Variants in RALYL observed in about 807,000 individuals in gnomAD.
RALYL encodes RNA-binding Raly-like protein.
A neutral mutation model predicts 35.1 loss-of-function variants in RALYL; 29 were observed. That is an observed-to-expected ratio of 0.83 (90% CI 0.61 to 1.13). The LOEUF is 1.13. RALYL is among the 50% of genes most tolerant of loss of function. RALYL has a pLI of 0.00. For missense variants in RALYL, 359 were observed against 360.4 expected, an observed-to-expected ratio of 1.00 and a Z score of 0.03; for synonymous variants, 120 against 127.6, an observed-to-expected ratio of 0.94 and a Z score of 0.40.
chr8:84,497,642 G>GTTTTTTTTTTTTTTTTTTTTTTTT (rs71271999), intron 1 of RALYL, among the ~76,000 whole-genome samples: 9 of 117,224 alleles, frequency 7.7e-5, no homozygotes, highest in Non-Finnish European at 1.0e-4. Flanking sequence ...TTTTGTTTTT[G>GTTTTTTTTTTTTTTTTTTTTTTTT]TTTTTTTTTT....
At chr8:84,316,920 T>C (rs1843865850) in intron 1 of RALYL, among the ~76,000 whole-genome samples, 1 of 152,190 alleles carries the variant, frequency 6.6e-6, no homozygotes, top group Non-Finnish European at 1.5e-5. Flanking sequence ...GTTTTAGTTA[T>C]GTATCTGATT....
intron 2 of RALYL, among the ~76,000 whole-genome samples, chr8:84,673,213 G>T (rs972852967): frequency 6.6e-6 from 1 of 151,978 alleles, no homozygotes; most frequent in Non-Finnish European, 1.5e-5. Flanking sequence ...ACTTTTTAAT[G>T]GGGTTGTTTG....
intron 1 of RALYL, among the ~76,000 whole-genome samples, chr8:84,459,533 G>A (rs1037735889): frequency 6.6e-6 from 1 of 151,760 alleles, no homozygotes; most frequent in Admixed American, 6.6e-5. Context: ...GGGAGTCATT[G>A]AAAGAGGTTA....
At chr8:84,291,024 T>C (rs968751560) in intron 1 of RALYL, among the ~76,000 whole-genome samples, 3 of 152,216 alleles carry the variant, frequency 2.0e-5, no homozygotes, top group African/African-American at 4.8e-5. Flanking sequence ...ATTGATTGCG[T>C]ATTCTAAAAT....
At chr8:84,732,683 TACACACACACAC>T (rs1554553642) in intron 2 of RALYL, among the ~76,000 whole-genome samples, 2 of 133,224 alleles carry the variant, frequency 1.5e-5, no homozygotes, top group East Asian at 2.0e-4. Context: ...TATATATATA[TACACACACACAC>T]ACATATATAT....
intron 2 of RALYL, among the ~76,000 whole-genome samples, chr8:84,735,963 A>G (rs1847232653): frequency 6.6e-6 from 1 of 152,032 alleles, no homozygotes; most frequent in Admixed American, 6.6e-5. Flanking sequence ...AAAATACTGC[A>G]AAGTCAAACA....
chr8:84,683,710 T>A (rs1369252570), intron 2 of RALYL, among the ~76,000 whole-genome samples: 1 of 152,066 alleles, frequency 6.6e-6, no homozygotes, highest in Non-Finnish European at 1.5e-5. Flanking sequence ...GTTTTGAAAC[T>A]GAGTCTCACA....
intron 1 of RALYL, among the ~76,000 whole-genome samples, chr8:84,526,031 A>G (rs1417694259): frequency 7.0e-6 from 1 of 143,400 alleles, no homozygotes; most frequent in Non-Finnish European, 1.5e-5. Context: ...TGCTCACTGC[A>G]ACCTCTGACT....
At chr8:84,542,751 G>T (rs903312127) in intron 2 of RALYL, among the ~76,000 whole-genome samples, 1 of 152,134 alleles carries the variant, frequency 6.6e-6, no homozygotes, top group Non-Finnish European at 1.5e-5. Flanking sequence ...AGCAGCATGA[G>T]AATGGACTAA....
At chr8:84,309,669 T>C (rs961964558) in intron 1 of RALYL, among the ~76,000 whole-genome samples, 2 of 152,094 alleles carry the variant, frequency 1.3e-5, no homozygotes, top group East Asian at 3.8e-4. Flanking sequence ...TATGGAAACA[T>C]GGACCTATGA....
At chr8:84,701,521 G>T (rs1370267851) in intron 2 of RALYL, among the ~76,000 whole-genome samples, 1 of 152,090 alleles carries the variant, frequency 6.6e-6, no homozygotes, top group Non-Finnish European at 1.5e-5. Context: ...AATTCAACAC[G>T]TTTTAACTTG....
At chr8:84,776,552 G>T (rs528520214) in intron 3 of RALYL, among the ~76,000 whole-genome samples, 2 of 152,284 alleles carry the variant, frequency 1.3e-5, no homozygotes, top group South Asian at 4.1e-4. Context: ...ATAAAACCGA[G>T]AAATTTTTAT....
rs530003016 is a variant in RALYL at position 84,328,765 on chromosome 8, C to T, written c.-24+144341C>T. 1.3e-4 allele frequency among the ~76,000 whole-genome samples: 20 copies of T among 152,236 alleles called. No homozygotes were observed. In the South Asian group the frequency reaches 4.1e-3, roughly 32 times the overall value. ...CAACCTTTGTCCACCTCTCTCCCTC[C>T]CCACTCTGGGAGTCCCCAGTGTCTA... On this transcript the variant is annotated intron_variant, in intron 1 of 8. Transcript: ENST00000521268.
At chr8:84,211,164 C>A (rs1819412293) in intron 1 of RALYL, among the ~76,000 whole-genome samples, 1 of 152,082 alleles carries the variant, frequency 6.6e-6, no homozygotes, top group South Asian at 2.1e-4. Context: ...TATCTGTCAT[C>A]AAGTGGCAGA....
rs543712526 is a variant in RALYL at position 84,597,291 on chromosome 8, C to T, written c.256+67714C>T. 1.1e-4 allele frequency among the ~76,000 whole-genome samples: 17 copies of T among 152,284 alleles called. No individual in the cohort carries two copies. The East Asian group carries it at 2.9e-3, about 26-fold the overall frequency. On this transcript the variant is annotated intron_variant, in intron 2 of 8. Coordinates refer to ENST00000521268, the MANE Select transcript of RALYL (RefSeq NM_173848.7). ...AAACCAGACTTTCTTCCCCAATTCT[C>T]TATGATATTTTATGGCACCACCATC... is the stretch of plus-strand genomic sequence containing the variant.
chr8:84,422,290 T>G (rs546897894), intron 1 of RALYL, among the ~76,000 whole-genome samples: 3,952 of 113,424 alleles, frequency 0.035, 96 homozygotes, highest in Middle Eastern at 0.089. Flanking sequence ...AGTGTATGTG[T>G]CGAGGAATTT....
At chr8:84,631,226 G>T (rs1474937589) in intron 2 of RALYL, among the ~76,000 whole-genome samples, 5 of 151,872 alleles carry the variant, frequency 3.3e-5, no homozygotes, top group African/African-American at 1.2e-4. Context: ...CCCTCTTATT[G>T]TCCAAGAAAA....
At chr8:84,830,078 T>C (rs1017421713) in intron 4 of RALYL, among the ~76,000 whole-genome samples, 1 of 142,684 alleles carries the variant, frequency 7.0e-6, no homozygotes, top group African/African-American at 2.7e-5. Flanking sequence ...GTATGAAAAA[T>C]GAGGCACTAA....
chr8:84,723,506 T>A (rs1339389340), intron 2 of RALYL, among the ~76,000 whole-genome samples: 1 of 151,936 alleles, frequency 6.6e-6, no homozygotes, highest in African/African-American at 2.4e-5. Flanking sequence ...AGCAATGACA[T>A]GGAATAAAGC....
Sources: allele counts gnomAD v4.1 joint callset (sites outside exome capture counted in the v4.1 genomes callset), GRCh38; gene constraint gnomAD v4.1.1; transcripts MANE v1.5; gene names NCBI Gene and HGNC (gene_info 2026-07-23, HGNC 2026-07-21).